ACYP2: variants seen among roughly 807,000 people sequenced by gnomAD.
ACYP2 encodes acylphosphatase 2.
A neutral mutation model predicts 11.2 loss-of-function variants in ACYP2; 12 were observed. The ratio of observed to expected loss-of-function variants is 1.08; its 90% CI spans 0.69 to 1.74. ACYP2 has a LOEUF of 1.74. ACYP2 is among the 40% of genes most tolerant of loss of function. ACYP2 has a pLI of 0.00. For synonymous variants in ACYP2, 43 were observed against 32.2 expected (o/e 1.33, Z -1.13); for missense variants, 134 against 101.9 (o/e 1.31, Z -1.35).
chr2:54,139,192 A>T (rs2103784539), intron 6 of ACYP2, among the ~76,000 whole-genome samples: 1 of 152,240 alleles, frequency 6.6e-6, no homozygotes, highest in African/African-American at 2.4e-5. Context: ...AGCGTTAGGG[A>T]GATGTCCAGG....
chr2:54,118,606 A>G (rs1177532547), intron 4 of ACYP2, among the ~76,000 whole-genome samples: 1 of 152,240 alleles, frequency 6.6e-6, no homozygotes, highest in Non-Finnish European at 1.5e-5. Context: ...ATTACATTAT[A>G]TATTTCTATT....
At chr2:54,049,916 C>T (rs1451953160) in intron 2 of ACYP2, among the ~76,000 whole-genome samples, 2 of 152,104 alleles carry the variant, frequency 1.3e-5, no homozygotes, top group African/African-American at 2.4e-5. Flanking sequence ...TCCAAGGAGC[C>T]CTGGTTTCTT....
intron 6 of ACYP2, chr2:54,255,368 G>C: frequency 6.2e-7 from 1 of 1,614,168 alleles, no homozygotes; most frequent in Non-Finnish European, 8.5e-7. Flanking sequence ...ATGGCAGACA[G>C]CTGTGGGTGG....
chr2:54,040,622 T>G (rs1675173340), intron 2 of ACYP2, among the ~76,000 whole-genome samples: 1 of 152,082 alleles, frequency 6.6e-6, no homozygotes, highest in Non-Finnish European at 1.5e-5. Context: ...AGGGGAAAGA[T>G]TAGGTAAGTG....
chr2:53,979,347 A>G (rs967985552), intron 2 of ACYP2, among the ~76,000 whole-genome samples: 13 of 152,008 alleles, frequency 8.6e-5, no homozygotes, highest in African/African-American at 2.9e-4. Context: ...TTAGGATACA[A>G]GCTGGGTCTG....
chr2:54,077,586 A>C (rs2103659131), intron 4 of ACYP2, among the ~76,000 whole-genome samples: 1 of 152,330 alleles, frequency 6.6e-6, no homozygotes, highest in South Asian at 2.1e-4. Context: ...GAGAAGAGGA[A>C]GTGGTAACCA....
intron 2 of ACYP2, among the ~76,000 whole-genome samples, chr2:53,976,764 A>G (rs1320246139): frequency 1.3e-5 from 2 of 152,214 alleles, no homozygotes; most frequent in Non-Finnish European, 2.9e-5. Context: ...CATTTGAACT[A>G]GAGTATATGT....
In ACYP2 at chr2:53,996,143, A is replaced by C. The variant is rs74977342; in HGVS notation, c.62+22333A>C. 5.5e-5 allele frequency among the ~76,000 whole-genome samples: 8 copies of C among 144,648 alleles called. 1 individual carries two copies. Among genetic ancestry groups the C allele is most frequent in the Admixed American group, 2.1e-4 (3 of 14,414 alleles). The allele number at this position is 144,648 out of a possible 152,430, so 94.9% of individuals were successfully genotyped here. ...GAGCGAAACTCTGTCCCCACCACCC[A>C]AAAAAAAAAAGACTCACAATGTACA... On this transcript the variant is annotated intron_variant, in intron 2 of 6. Transcript: ENST00000607452.
At chr2:54,182,934 A>C (rs1357073693) in intron 6 of ACYP2, among the ~76,000 whole-genome samples, 1 of 152,208 alleles carries the variant, frequency 6.6e-6, no homozygotes. Flanking sequence ...ATCTATGTTA[A>C]ACCAACATCA....
At chr2:53,973,853 A>ATGTGTGTG (rs1327140471) in intron 2 of ACYP2, 1 of 113,396 alleles carries the variant, frequency 8.8e-6, no homozygotes, top group South Asian at 4.7e-4. Flanking sequence ...TGGGATATAT[A>ATGTGTGTG]TATGTGTGTG....
At chr2:54,289,367 C>T (rs1324636607) in intron 6 of ACYP2, among the ~76,000 whole-genome samples, 4 of 151,970 alleles carry the variant, frequency 2.6e-5, no homozygotes, top group African/African-American at 9.7e-5. Flanking sequence ...CAGGCCCAAG[C>T]TCTTTAAATT....
intron 6 of ACYP2, among the ~76,000 whole-genome samples, chr2:54,182,385 G>A (rs555932099): frequency 7.2e-5 from 11 of 152,098 alleles, no homozygotes; most frequent in Non-Finnish European, 1.0e-4. Context: ...TCTGTTGCCC[G>A]GGCGGGAATA....
At chr2:53,992,233 T>TC (rs1318417374) in intron 2 of ACYP2, among the ~76,000 whole-genome samples, 1 of 151,926 alleles carries the variant, frequency 6.6e-6, no homozygotes, top group African/African-American at 2.4e-5. Flanking sequence ...CTTCCTTCCT[T>TC]CTTTTCACCA....
chr2:54,148,713 A>G (rs1204594708), intron 6 of ACYP2, among the ~76,000 whole-genome samples: 1 of 152,198 alleles, frequency 6.6e-6, no homozygotes, highest in Non-Finnish European at 1.5e-5. Flanking sequence ...CAGGAAGAAG[A>G]CACTGGAGAA....
At chr2:54,028,973 G>T (rs1229410021) in intron 2 of ACYP2, among the ~76,000 whole-genome samples, 5 of 152,134 alleles carry the variant, frequency 3.3e-5, no homozygotes, top group African/African-American at 1.2e-4. Flanking sequence ...CTTTGGGTAA[G>T]ATAGTGAGAC....
At chr2:54,072,249 C>CAAAT (rs1677082688) in intron 4 of ACYP2, among the ~76,000 whole-genome samples, 2 of 152,102 alleles carry the variant, frequency 1.3e-5, no homozygotes, top group African/African-American at 4.8e-5. Context: ...TAATATTTTC[C>CAAAT]AAATTAATCT....
At chr2:54,094,346 G>A (rs1328931705) in intron 4 of ACYP2, among the ~76,000 whole-genome samples, 2 of 151,594 alleles carry the variant, frequency 1.3e-5, no homozygotes, top group Non-Finnish European at 2.9e-5. Flanking sequence ...TCCTGCCTCA[G>A]CCTACCAAAT....
intron 4 of ACYP2, among the ~76,000 whole-genome samples, chr2:54,104,089 C>A (rs143486992): frequency 6.6e-6 from 1 of 152,166 alleles, no homozygotes; most frequent in Non-Finnish European, 1.5e-5. Context: ...CCTCTATTGG[C>A]GGTAGAGACT....
intron 2 of ACYP2, among the ~76,000 whole-genome samples, chr2:53,988,208 GAAT>G (rs879386314): frequency 5.9e-5 from 9 of 151,810 alleles, no homozygotes; most frequent in African/African-American, 9.7e-5. Context: ...CATATTAAAA[GAAT>G]AATAATAATA....
Sources: allele counts gnomAD v4.1 joint callset (sites outside exome capture counted in the v4.1 genomes callset), GRCh38; gene constraint gnomAD v4.1.1; transcripts MANE v1.5; gene names NCBI Gene and HGNC (gene_info 2026-07-23, HGNC 2026-07-21).